NFKBID: variants seen among roughly 807,000 people sequenced by gnomAD.
NFKBID encodes NF-kappa-B inhibitor delta.
A neutral mutation model predicts 53.4 loss-of-function variants in NFKBID; 26 were observed. That is an observed-to-expected ratio of 0.49 (90% CI 0.36 to 0.68). The LOEUF (loss-of-function observed/expected upper bound fraction) is 0.68. Among genes scored for constraint, NFKBID ranks in the 30% least tolerant of loss-of-function variants. The probability of loss-of-function intolerance (pLI) is 0.00; values close to 1 mark genes in which losing one functional copy is unlikely to be tolerated. For missense variants in NFKBID, 493 were observed against 614.1 expected, an observed-to-expected ratio of 0.80 and a Z score of 2.08; for synonymous variants, 262 against 259.8, an observed-to-expected ratio of 1.01 and a Z score of -0.08.
chr19:35,900,249 A>C (rs907750294), intron 1 of NFKBID, among the ~76,000 whole-genome samples, 193 bp downstream of exon 1: 1 of 151,202 alleles, frequency 6.6e-6, no homozygotes, highest in Admixed American at 6.6e-5. Flanking sequence ...CACCCCCAGG[A>C]CCCAGAAGTC....
chr19:35,900,539 C>G lies in NFKBID; in HGVS notation c.-37G>C, dbSNP rs1023888598. The G allele has an allele frequency of 5.1e-5, 63 of 1,231,718 alleles. No individual in the cohort carries two copies. The East Asian group carries it at 8.8e-4, about 17-fold the overall frequency. 76.3% of individuals were successfully genotyped at this position (1,231,718 alleles called of 1,614,324 possible). ...CCCCCGCGGAGCCGCCGCCGGGTCC[C>G]CGATCTTGGGTCCGGTACCCGCGAG... On this transcript the variant is annotated 5_prime_UTR_variant, in exon 1 of 12. Transcript: ENST00000641389.
At chr19:35,891,271 T>C (rs1394520013) in intron 9 of NFKBID, among the ~76,000 whole-genome samples, 1 of 152,222 alleles carries the variant, frequency 6.6e-6, no homozygotes, top group Non-Finnish European at 1.5e-5. Context: ...GAAACCTTTT[T>C]ATGTGTCTTT....
intron 4 of NFKBID, 93 bp downstream of exon 4, chr19:35,897,558 G>GT: frequency 1.4e-6 from 1 of 736,198 alleles, no homozygotes; most frequent in East Asian, 2.5e-5. Context: ...AAAGGGAATC[G>GT]TAACTGAGCT....
At chr19:35,893,260 C>T (rs996670803) in intron 9 of NFKBID, among the ~76,000 whole-genome samples, 4 of 152,302 alleles carry the variant, frequency 2.6e-5, no homozygotes, top group East Asian at 3.9e-4. Flanking sequence ...AGTGAAGAAA[C>T]GAATGAATTA....
At chr19:35,899,829 G>A (rs1285908638) in intron 1 of NFKBID, 1 of 152,350 alleles carries the variant, frequency 6.6e-6, no homozygotes, top group Non-Finnish European at 1.5e-5. Flanking sequence ...CTCACGCAAG[G>A]GAATCTTCCA....
At chr19:35,901,200 GGGGGTA>G (rs1975553023), upstream of NFKBID, among the ~76,000 whole-genome samples, 2 of 151,986 alleles carry the variant, frequency 1.3e-5, no homozygotes, top group African/African-American at 2.4e-5. Context: ...TCCTGCCCAT[GGGGGTA>G]GGGGTAGGAG....
rs1164920697 is a variant in NFKBID, at chr19:35,890,275, A to G, written c.1149+99T>C. 9.7e-6 allele frequency: 9 copies of G among 923,800 alleles called. No homozygotes were observed. The East Asian group carries it at 2.0e-4, about 20-fold the overall frequency. 57.2% of individuals were successfully genotyped at this position (923,800 alleles called of 1,614,324 possible). A position where few individuals can be genotyped will look rare whatever the true frequency, so the allele number is the denominator to read the frequency against. ...ATACTTTCCCCTGCAGATCCCACAC[A>G]TCGTCCCCTCCACGTCCACAGCCCC... On this transcript the variant is annotated intron_variant, in intron 10 of 11. Coordinates refer to ENST00000641389, the Ensembl canonical transcript of NFKBID.
exon 4 of NFKBID, chr19:35,897,726 G>A (rs547326354): frequency 7.7e-5 from 124 of 1,612,696 alleles, no homozygotes; most frequent in East Asian, 5.6e-4. Flanking sequence ...GGAAATTTTC[G>A]GCAGCAGAAG....
chr19:35,896,221 C>T lies in NFKBID; in HGVS notation c.880G>A (p.Glu294Lys). ...GCCCTGCCCACACCCAACTTACCCTCGAAGTCTCTGGCTTCCAGGTCAACC... is the reference window on the plus strand; with the variant it reads ...GCCCTGCCCACACCCAACTTACCCTTGAAGTCTCTGGCTTCCAGGTCAACC... The change falls in exon 8 of 12, where the codon GAG becomes AAG. Residue 294 changes from glutamate to lysine, a missense_variant. By Grantham distance (56) the Glu-to-Lys change is moderately conservative. Around this residue, in one of 2 missense-constraint regions of NFKBID, gnomAD observed 267 missense variants for 384.6 expected, o/e 0.69. Transcript: ENST00000641389. This position sits in a 1 kb window ranked among gnomAD's most constrained non-coding sequence, Gnocchi z 5.7. The T allele has an allele frequency of 1.2e-6, 2 of 1,614,208 alleles. No individual in the cohort carries two copies. Among genetic ancestry groups the T allele is most frequent in the Non-Finnish European group, 1.7e-6 (2 of 1,180,026 alleles).
rs8111687 is a variant in NFKBID, at chr19:35,893,795, G to C, written c.1032+2185C>G. 8.2e-3 allele frequency among the ~76,000 whole-genome samples: 1,242 copies of C among 151,358 alleles called. 19 individuals are homozygous for C. Among genetic ancestry groups the C allele is most frequent in the African/African-American group, 0.029 (1,174 of 41,184 alleles). On this transcript the variant is annotated intron_variant, in intron 9 of 11. Coordinates refer to ENST00000641389, the Ensembl canonical transcript of NFKBID. Reference sequence around the variant, plus strand: ...AGATCGCACCACTGCACTCCAGCCTGGGTGACAGAGCGAGAGCCATCTCAA... The same window carrying C: ...AGATCGCACCACTGCACTCCAGCCTCGGTGACAGAGCGAGAGCCATCTCAA...
At chr19:35,889,578 CA>C (rs1239473880) in intron 11 of NFKBID, among the ~76,000 whole-genome samples, 3 of 151,008 alleles carry the variant, frequency 2.0e-5, no homozygotes, top group Non-Finnish European at 4.4e-5. Flanking sequence ...AGGTTAGGGG[CA>C]GGGGGTAGGA....
At chr19:35,900,774 G>C, upstream of NFKBID, 1 of 446,838 alleles carries the variant, frequency 2.2e-6, no homozygotes, top group Non-Finnish European at 3.7e-6. Flanking sequence ...CAAGAGGAGG[G>C]AGAAACCGGG....
exon 12 of NFKBID, chr19:35,888,535 C>A: frequency 6.5e-7 from 1 of 1,548,068 alleles, no homozygotes; most frequent in South Asian, 1.2e-5. Flanking sequence ...ACTGGAAAAT[C>A]AGTCCAGGGT....
rs950381020 is a variant in NFKBID, at chr19:35,890,185, G to C, written c.1150-131C>G. 5.0e-6 allele frequency: 5 copies of C among 991,298 alleles called. No homozygotes were observed. The Admixed American group carries it at 1.2e-4, about 25-fold the overall frequency. The allele number at this position is 991,298 out of a possible 1,614,324, so 61.4% of individuals were successfully genotyped here. A position where few individuals can be genotyped will look rare whatever the true frequency, so the allele number is the denominator to read the frequency against. On this transcript the variant is annotated intron_variant, in intron 10 of 11. Transcript: ENST00000641389. ...ACATCCCAGACCTCCCCCGGCCACA[G>C]CCACGCTGCATGCATCCCTGTGTCC...
exon 12 of NFKBID, chr19:35,888,284 G>A: frequency 2.2e-6 from 1 of 447,196 alleles, no homozygotes; most frequent in Non-Finnish European, 4.1e-6. Context: ...AGTGGGGAAA[G>A]GACTAGGGGT....
chr19:35,894,188 G>T (rs1158942008), intron 9 of NFKBID, among the ~76,000 whole-genome samples: 1 of 151,936 alleles, frequency 6.6e-6, no homozygotes, highest in East Asian at 1.9e-4. Flanking sequence ...GAACCCGGGA[G>T]GCAGAGGTTG....
chr19:35,900,909 T>A (rs979475357), upstream of NFKBID, among the ~76,000 whole-genome samples: 3 of 149,146 alleles, frequency 2.0e-5, no homozygotes, highest in African/African-American at 2.5e-5. Context: ...GTGCGATCTC[T>A]GCAAACTCCG....
intron 9 of NFKBID, among the ~76,000 whole-genome samples, chr19:35,891,180 T>G (rs1481125106): frequency 6.6e-6 from 1 of 152,220 alleles, no homozygotes; most frequent in African/African-American, 2.4e-5. Context: ...ATCAGTGGAC[T>G]AGCTAATATT....
intron 9 of NFKBID, chr19:35,890,750 G>T: frequency 6.6e-6 from 3 of 455,776 alleles, no homozygotes; most frequent in South Asian, 5.7e-5. Context: ...TGTAGTCCCA[G>T]CTGCTTGGGA....
Sources: allele counts gnomAD v4.1 joint callset (sites outside exome capture counted in the v4.1 genomes callset), GRCh38; gene constraint gnomAD v4.1.1; regional missense constraint gnomAD v4.1.1; non-coding constraint Gnocchi (gnomAD v3.1); transcripts MANE v1.5; gene names NCBI Gene and HGNC (gene_info 2026-07-23, HGNC 2026-07-21).